Variants in SLC14A2 observed in about 807,000 individuals in gnomAD.
The protein encoded by SLC14A2 is urea transporter 2.
SLC14A2 carries 91 observed loss-of-function variants against 104.6 expected under a neutral mutation model. That is an observed-to-expected ratio of 0.87 (90% CI 0.73 to 1.04). SLC14A2 has a LOEUF of 1.04. SLC14A2 is among the 50% of genes least tolerant of loss of function. The pLI is 0.00. For synonymous variants in SLC14A2, 476 were observed against 466.4 expected (o/e 1.02, Z -0.27); for missense variants, 1,189 against 1,156.0 (o/e 1.03, Z -0.41).
chr18:45,635,947 GA>G (rs1455704195), intron 5 of SLC14A2, among the ~76,000 whole-genome samples: 3 of 152,194 alleles, frequency 2.0e-5, no homozygotes, highest in Non-Finnish European at 4.4e-5. Flanking sequence ...GATTTTGTGG[GA>G]AGAAAGCAGA....
intron 1 of SLC14A2, among the ~76,000 whole-genome samples, chr18:45,344,590 A>C (rs1024850353): frequency 6.6e-6 from 1 of 152,202 alleles, no homozygotes; most frequent in African/African-American, 2.4e-5. Context: ...TTTGGATGCA[A>C]GGGGGAAGAA....
At chr18:45,255,587 T>C (rs2084469064) in intron 1 of SLC14A2, among the ~76,000 whole-genome samples, 1 of 152,206 alleles carries the variant, frequency 6.6e-6, no homozygotes, top group African/African-American at 2.4e-5. Flanking sequence ...AGTGATTGCC[T>C]GTCATCTCAA....
At chr18:45,630,656 T>C (rs1163391268) in intron 4 of SLC14A2, among the ~76,000 whole-genome samples, 1 of 152,182 alleles carries the variant, frequency 6.6e-6, no homozygotes, top group East Asian at 1.9e-4. Context: ...CACTAATTTA[T>C]ATCACCAAAC....
intron 1 of SLC14A2, among the ~76,000 whole-genome samples, chr18:45,303,416 C>T (rs1445003099): frequency 6.6e-6 from 1 of 152,122 alleles, no homozygotes; most frequent in Non-Finnish European, 1.5e-5. Flanking sequence ...CACAAGGACT[C>T]GAATATAGAA....
intron 8 of SLC14A2, 51 bp downstream of exon 8, chr18:45,641,394 C>A (rs376273652): frequency 6.1e-4 from 972 of 1,606,608 alleles, no homozygotes; most frequent in Non-Finnish European, 8.0e-4. Context: ...ATTCCTTCCC[C>A]CCTTGTTTAT....
intron 1 of SLC14A2, among the ~76,000 whole-genome samples, chr18:45,311,778 A>G (rs1006092310): frequency 2.0e-5 from 3 of 152,190 alleles, no homozygotes; most frequent in Admixed American, 2.0e-4. Flanking sequence ...GGGGTGTTGG[A>G]ACCAAAGTAG....
chr18:45,672,529 C>CAAAA (rs34358333), intron 16 of SLC14A2, among the ~76,000 whole-genome samples: 2 of 128,716 alleles, frequency 1.6e-5, no homozygotes, highest in African/African-American at 5.7e-5. Flanking sequence ...AACTCCATCT[C>CAAAA]AAAAAAAAAA....
chr18:45,175,802 A>G, the SLC14A2 span, among the ~76,000 whole-genome samples: 1 of 152,114 alleles, frequency 6.6e-6, no homozygotes, highest in Non-Finnish European at 1.5e-5. Context: ...GAAAGGGGTT[A>G]TATTGTTTGT....
intron 2 of SLC14A2, among the ~76,000 whole-genome samples, chr18:45,603,141 A>C (rs1269906986): frequency 1.3e-5 from 2 of 152,172 alleles, no homozygotes; most frequent in East Asian, 3.9e-4. Flanking sequence ...GGAACATCAC[A>C]AATGAATCAT....
chr18:45,368,346 A>G (rs1351702284), intron 1 of SLC14A2, among the ~76,000 whole-genome samples: 3 of 152,206 alleles, frequency 2.0e-5, no homozygotes, highest in Non-Finnish European at 4.4e-5. Flanking sequence ...GAGGGAAAAC[A>G]GAATACTTAA....
intron 1 of SLC14A2, among the ~76,000 whole-genome samples, chr18:45,456,338 G>A (rs1450317555): frequency 2.6e-5 from 4 of 152,172 alleles, no homozygotes; most frequent in African/African-American, 9.7e-5. Flanking sequence ...AGCACCCAGA[G>A]CTCTGCAGAG....
chr18:45,590,873 C>A (rs1336042788), intron 2 of SLC14A2, among the ~76,000 whole-genome samples: 2 of 152,228 alleles, frequency 1.3e-5, no homozygotes, highest in Admixed American at 6.5e-5. Context: ...AACAACCCTG[C>A]AACGTAATGA....
intron 1 of SLC14A2, among the ~76,000 whole-genome samples, chr18:45,220,284 A>T (rs2084049102): frequency 6.6e-6 from 1 of 152,218 alleles, no homozygotes. Flanking sequence ...CACTGGGTTT[A>T]TCTTGCAGGA....
chr18:45,315,689 G>T (rs8085416), intron 1 of SLC14A2, among the ~76,000 whole-genome samples: 2,250 of 152,240 alleles, frequency 0.015, 59 homozygotes, highest in African/African-American at 0.052. Context: ...GCCGTAAGAA[G>T]AGAAGGGAAT....
chr18:45,449,085 G>T (rs2086817454), intron 1 of SLC14A2, among the ~76,000 whole-genome samples: 1 of 152,126 alleles, frequency 6.6e-6, no homozygotes, highest in South Asian at 2.1e-4. Flanking sequence ...CTCAAGAGTG[G>T]GATTTAACTG....
chr18:45,443,439 G>A lies in SLC14A2; in HGVS notation c.-124-39794G>A, dbSNP rs371668997. Among the ~76,000 whole-genome samples the A allele has an allele frequency of 3.9e-5, 6 of 152,312 alleles. 1 individual carries two copies. The highest frequency in any genetic ancestry group is 1.4e-4 in the African/African-American group (6 of 41,564). On this transcript the variant is annotated intron_variant, in intron 1 of 20. Transcript: ENST00000586448. Reference sequence around the variant, plus strand: ...AGGCCTGTCTGTCTAGATTCTTCTTGGCCTCTTTGAACACACAATCTTTCC... The same window carrying A: ...AGGCCTGTCTGTCTAGATTCTTCTTAGCCTCTTTGAACACACAATCTTTCC...
chr18:45,349,431 C>T (rs1027256431), intron 1 of SLC14A2, among the ~76,000 whole-genome samples: 4 of 152,128 alleles, frequency 2.6e-5, no homozygotes, highest in Non-Finnish European at 4.4e-5. Context: ...GCTAGCAATC[C>T]CCTTTTCCCC....
chr18:45,401,640 T>G lies in SLC14A2; in HGVS notation c.-124-81593T>G, dbSNP rs202129177. ...AAACACAAAAGTGGCCTAATCTATC[T>G]TACGTTTTTCAAATATTGCACTATT... On this transcript the variant is annotated intron_variant, in intron 1 of 20. Transcript: ENST00000586448. Among the ~76,000 whole-genome samples, 6 of 152,234 alleles carry G rather than the reference T, an allele frequency of 3.9e-5. No individual in the cohort carries two copies. The East Asian group carries it at 1.2e-3, about 29-fold the overall frequency.
chr18:45,187,320 A>T, the SLC14A2 span, among the ~76,000 whole-genome samples: 1 of 152,122 alleles, frequency 6.6e-6, no homozygotes, highest in East Asian at 1.9e-4. Context: ...GGGACCATGT[A>T]TGCAGCCCAA....
Sources: allele counts gnomAD v4.1 joint callset (sites outside exome capture counted in the v4.1 genomes callset), GRCh38; gene constraint gnomAD v4.1.1; transcripts MANE v1.5; gene names NCBI Gene and HGNC (gene_info 2026-07-23, HGNC 2026-07-21).